Variants in SOX6 observed in about 807,000 individuals in gnomAD.
SOX6 encodes the protein transcription factor SOX-6.
In SOX6, 11 loss-of-function variants were observed where a neutral mutation model predicts 97.8. The observed-to-expected ratio is 0.11, with a 90% CI of 0.07 to 0.19. The LOEUF is 0.19. Among genes scored for constraint, SOX6 ranks in the 10% least tolerant of loss-of-function variants. The pLI is 1.00. For synonymous variants in SOX6, 360 were observed against 371.4 expected (o/e 0.97, Z 0.35); for missense variants, 810 against 1,039.5 (o/e 0.78, Z 3.04).
At chr11:16,266,862 G>A (rs1413127747) in intron 3 of SOX6, among the ~76,000 whole-genome samples, 1 of 151,344 alleles carries the variant, frequency 6.6e-6, no homozygotes, top group Non-Finnish European at 1.5e-5. Flanking sequence ...ACTGTATCAT[G>A]CATATAAAAA....
intron 3 of SOX6, among the ~76,000 whole-genome samples, chr11:16,665,373 T>C (rs1177135177): frequency 6.6e-6 from 1 of 152,150 alleles, no homozygotes; most frequent in African/African-American, 2.4e-5. Flanking sequence ...GAAGAGACCT[T>C]GGGCCTTGAA....
intron 4 of SOX6, among the ~76,000 whole-genome samples, chr11:16,530,922 C>G (rs943247344): frequency 2.6e-4 from 38 of 147,300 alleles, no homozygotes; most frequent in Non-Finnish European, 6.0e-5. Context: ...ATAATGTAAA[C>G]ATATTTTATA....
At chr11:15,983,014 C>G (rs1853715599) in intron 15 of SOX6, among the ~76,000 whole-genome samples, 1 of 151,904 alleles carries the variant, frequency 6.6e-6, no homozygotes, top group African/African-American at 2.4e-5. Context: ...TGGTAAGGGC[C>G]TATTTGAAAC....
chr11:16,509,182 T>C (rs939552240), intron 4 of SOX6, among the ~76,000 whole-genome samples: 2 of 151,850 alleles, frequency 1.3e-5, no homozygotes, highest in African/African-American at 4.8e-5. Context: ...TGCATTTATT[T>C]AATTGAATTT....
rs548651789 is a variant in SOX6 at position 16,644,282 on chromosome 11, C to A, written n.430-32022G>T. ...CTCAAACTCCAGAGCTCAAGATATC[C>A]GCCTGCCTCAGCCTCTCAAAGTGCT... On this transcript the variant is annotated intron_variant and non_coding_transcript_variant, in intron 3 of 5. Transcript: ENST00000524520. Among the ~76,000 whole-genome samples, 17 of 152,264 alleles carry A rather than the reference C, an allele frequency of 1.1e-4. No individual in the cohort carries two copies. The East Asian group carries it at 2.5e-3, about 23-fold the overall frequency.
chr11:16,257,524 A>G (rs942849007), intron 3 of SOX6, among the ~76,000 whole-genome samples: 20 of 152,076 alleles, frequency 1.3e-4, no homozygotes, highest in African/African-American at 4.6e-4. Flanking sequence ...AGGAGTCTAG[A>G]CATATATCTT....
rs183043778 is a variant in SOX6, at chr11:16,392,917, T to A, written c.-4-51665A>T. Among the ~76,000 whole-genome samples, 24 of 152,242 alleles carry A rather than the reference T, an allele frequency of 1.6e-4. 1 individual carries two copies. The highest frequency in any genetic ancestry group is 2.8e-4 in the Non-Finnish European group (19 of 68,000). On this transcript the variant is annotated intron_variant, in intron 1 of 15. Transcript: ENST00000396356. ...TTAGCCAAGTGACTCACAGAGGACA[T>A]CTTCTCATAAACTTTAATATTGAAA...
chr11:16,334,533 T>C (rs931369220), intron 2 of SOX6, among the ~76,000 whole-genome samples: 1 of 151,966 alleles, frequency 6.6e-6, no homozygotes, highest in African/African-American at 2.4e-5. Flanking sequence ...GTTCAAGCGA[T>C]TCTCCTGCTT....
intron 4 of SOX6, among the ~76,000 whole-genome samples, chr11:16,592,340 T>A (rs1242694447): frequency 6.7e-6 from 1 of 149,318 alleles, no homozygotes; most frequent in Non-Finnish European, 1.5e-5. Flanking sequence ...TCCATGAATA[T>A]CCCAAGTTAT....
At chr11:16,405,158 T>C (rs1590190666) in intron 1 of SOX6, among the ~76,000 whole-genome samples, 2 of 152,154 alleles carry the variant, frequency 1.3e-5, no homozygotes, top group South Asian at 2.1e-4. Context: ...TGTCAGCTTC[T>C]GTTATACTCT....
intron 4 of SOX6, among the ~76,000 whole-genome samples, chr11:16,500,888 G>A (rs1337377542): frequency 6.6e-6 from 1 of 152,108 alleles, no homozygotes; most frequent in Non-Finnish European, 1.5e-5. Flanking sequence ...TACTGCCCAA[G>A]GTAATTTATA....
At chr11:16,449,623 T>C (rs964137022) in intron 1 of SOX6, among the ~76,000 whole-genome samples, 1 of 152,030 alleles carries the variant, frequency 6.6e-6, no homozygotes, top group Non-Finnish European at 1.5e-5. Flanking sequence ...TATATAAACC[T>C]CCAATTGGTT....
At chr11:16,289,448 G>A (rs541197162) in intron 3 of SOX6, among the ~76,000 whole-genome samples, 10 of 151,944 alleles carry the variant, frequency 6.6e-5, no homozygotes, top group Admixed American at 2.0e-4. Flanking sequence ...AATAATGTGC[G>A]TTCAAAAACA....
intron 1 of SOX6, among the ~76,000 whole-genome samples, chr11:16,374,565 C>G (rs1479632068): frequency 6.6e-6 from 1 of 151,944 alleles, no homozygotes; most frequent in Non-Finnish European, 1.5e-5. Context: ...TCCTTTTCTC[C>G]TATTTAGCAC....
At chr11:16,190,789 C>T (rs374495349) in intron 4 of SOX6, among the ~76,000 whole-genome samples, 21 of 152,136 alleles carry the variant, frequency 1.4e-4, no homozygotes, top group African/African-American at 4.8e-4. Context: ...TGTGTGTGTG[C>T]GTGGCAGTGG....
intron 4 of SOX6, among the ~76,000 whole-genome samples, chr11:16,227,670 C>G (rs1015527026): frequency 1.3e-5 from 2 of 152,104 alleles, no homozygotes; most frequent in African/African-American, 4.8e-5. Context: ...AATGTCACAG[C>G]TATAAGTTCT....
chr11:16,190,843 G>A (rs554188637), intron 4 of SOX6, among the ~76,000 whole-genome samples: 2 of 152,184 alleles, frequency 1.3e-5, no homozygotes, highest in East Asian at 1.9e-4. Flanking sequence ...GTATTTGTTC[G>A]GGTATAATGG....
At chr11:16,532,068 T>G (rs1038690661) in intron 4 of SOX6, among the ~76,000 whole-genome samples, 10 of 151,884 alleles carry the variant, frequency 6.6e-5, no homozygotes, top group Non-Finnish European at 1.5e-5. Context: ...AGACTTCCTA[T>G]GCCATTTTCT....
chr11:16,401,964 ACT>A (rs1431867951), intron 1 of SOX6, among the ~76,000 whole-genome samples: 6 of 151,380 alleles, frequency 4.0e-5, no homozygotes, highest in South Asian at 2.1e-4. Context: ...GTTCCTATAT[ACT>A]CTCTAGTTCT....
Sources: allele counts gnomAD v4.1 joint callset (sites outside exome capture counted in the v4.1 genomes callset), GRCh38; gene constraint gnomAD v4.1.1; transcripts MANE v1.5; gene names NCBI Gene and HGNC (gene_info 2026-07-23, HGNC 2026-07-21).